KIAA0513: variants seen among roughly 807,000 people sequenced by gnomAD.
KIAA0513 encodes uncharacterized protein KIAA0513.
KIAA0513 carries 39 observed loss-of-function variants against 56.5 expected under a neutral mutation model. The ratio of observed to expected loss-of-function variants is 0.69; its 90% confidence interval spans 0.53 to 0.90. The LOEUF (loss-of-function observed/expected upper bound fraction) is 0.90. Among genes scored for constraint, KIAA0513 ranks in the 40% least tolerant of loss-of-function variants. The pLI is 0.00. For synonymous variants in KIAA0513, 268 were observed against 215.6 expected, an observed-to-expected ratio of 1.24 and a Z score of -2.13; for missense variants, 591 against 535.2, an observed-to-expected ratio of 1.10 and a Z score of -1.03.
chr16:85,071,749 T>C (rs2073577769), intron 2 of KIAA0513, 34 bp from the exon 3 acceptor site: 1 of 1,477,606 alleles, frequency 6.8e-7, no homozygotes, highest in East Asian at 2.3e-5. Flanking sequence ...AGGGTTTTTT[T>C]TTTTTTTCCT....
At chr16:85,031,255 C>T (rs1187010666) in intron 1 of KIAA0513, among the ~76,000 whole-genome samples, 3 of 151,972 alleles carry the variant, frequency 2.0e-5, no homozygotes, top group South Asian at 2.1e-4. Flanking sequence ...CCAGGGTGGG[C>T]GGATCACTTG....
intron 1 of KIAA0513, among the ~76,000 whole-genome samples, chr16:85,034,598 C>T (rs530293429): frequency 1.3e-5 from 2 of 152,096 alleles, no homozygotes; most frequent in Non-Finnish European, 2.9e-5. Flanking sequence ...AGAGGACTCA[C>T]CGGAAGGAAG....
intron 1 of KIAA0513, among the ~76,000 whole-genome samples, chr16:85,037,073 GGA>G (rs2073045586): frequency 6.6e-6 from 1 of 152,132 alleles, no homozygotes; most frequent in Non-Finnish European, 1.5e-5. Context: ...AAGAAGGAAA[GGA>G]GAGAGAAGGG....
chr16:85,078,489 A>C, intron 7 of KIAA0513, 34 bp downstream of exon 7: 1 of 1,604,286 alleles, frequency 6.2e-7, no homozygotes, highest in Non-Finnish European at 8.5e-7. Context: ...GGAGACGCCC[A>C]GCCCACAGCC....
At chr16:85,080,091 C>T (rs973356675) in intron 8 of KIAA0513, among the ~76,000 whole-genome samples, 7 of 152,042 alleles carry the variant, frequency 4.6e-5, no homozygotes, top group East Asian at 1.9e-4. Context: ...GGAGCGCTGC[C>T]GGGACCCAGA....
rs562882165 is a variant in KIAA0513 at position 85,029,715 on chromosome 16, A to G, written c.-173+1857A>G. The stretch of plus-strand genomic sequence containing the variant: ...GAACAGCAGCCTGGGGCAGTTTTTT[A>G]AAAAAAGTCCTGAGAAGTCAACCAG... On this transcript the variant is annotated intron_variant, in intron 1 of 12. Coordinates refer to ENST00000683363, the MANE Select transcript of KIAA0513 (RefSeq NM_001388359.1). Among the ~76,000 whole-genome samples, 380 of 152,312 alleles carry G rather than the reference A, an allele frequency of 2.5e-3. 2 individuals carry two copies. Among genetic ancestry groups the G allele is most frequent in the African/African-American group, 8.6e-3 (358 of 41,566 alleles).
rs979124848 is a variant in KIAA0513, at chr16:85,092,036, G to T, written c.*3711G>T. On this transcript the variant is annotated 3_prime_UTR_variant, in exon 13 of 13. Transcript: ENST00000683363. ...CTACTCACTGCAACCTCCACCTCCC[G>T]GGTTCAAGCAATTCTCCTGCCTCAG... 1 of 151,244 alleles carries T rather than the reference G, an allele frequency of 6.6e-6. No individual in the cohort carries two copies. Among genetic ancestry groups the T allele is most frequent in the Non-Finnish European group, 1.5e-5 (1 of 67,930 alleles). 9.4% of individuals were successfully genotyped at this position (151,244 alleles called of 1,614,324 possible).
At chr16:85,086,244 C>T (rs2073806397) in intron 10 of KIAA0513, among the ~76,000 whole-genome samples, 1 of 152,250 alleles carries the variant, frequency 6.6e-6, no homozygotes. Context: ...GGACGTTGGG[C>T]AGGTCCCCTC....
At chr16:85,085,703 G>T (rs1423425737) in intron 10 of KIAA0513, among the ~76,000 whole-genome samples, 1 of 152,202 alleles carries the variant, frequency 6.6e-6, no homozygotes, top group Non-Finnish European at 1.5e-5. Flanking sequence ...GGGGTGGGGA[G>T]CCCCCTTGTT....
In KIAA0513 at chr16:85,092,892, C is replaced by G. The variant is rs1434471618; in HGVS notation, c.*4567C>G. 1 of 152,212 alleles carries G rather than the reference C, an allele frequency of 6.6e-6. No individual in the cohort carries two copies. The highest frequency in any genetic ancestry group is 2.4e-5 in the African/African-American group (1 of 41,456). The allele number at this position is 152,212 out of a possible 1,614,324, so 9.4% of individuals were successfully genotyped here. A position where few individuals can be genotyped will look rare whatever the true frequency, so the allele number is the denominator to read the frequency against. ...CAGGAATGTGTTGGTGCCTGAGACA[C>G]CAAATGGAAGAAGCACATCAAGACT... is the stretch of plus-strand genomic sequence containing the variant. On this transcript the variant is annotated 3_prime_UTR_variant, in exon 13 of 13. Transcript: ENST00000683363.
In KIAA0513 at chr16:85,087,181, G is replaced by C. The variant is rs1369405568; in HGVS notation, c.1186+15G>C. 6.2e-7 allele frequency: 1 copy of C among 1,609,550 alleles called. No homozygotes were observed. The highest frequency in any genetic ancestry group is 2.2e-5 in the East Asian group (1 of 44,882). Reference sequence around the variant, plus strand: ...CCTGGATGAAGGTGCGTCTGGGGGAGGCTGCTGGCAGGAGGCGGGCAGGGC... The same window carrying C: ...CCTGGATGAAGGTGCGTCTGGGGGACGCTGCTGGCAGGAGGCGGGCAGGGC... On this transcript the variant is annotated intron_variant, in intron 12 of 12. Coordinates refer to ENST00000683363, the MANE Select transcript of KIAA0513 (RefSeq NM_001388359.1).
chr16:85,059,814 G>C (rs1249299367), intron 1 of KIAA0513, among the ~76,000 whole-genome samples: 1 of 152,200 alleles, frequency 6.6e-6, no homozygotes, highest in African/African-American at 2.4e-5. Flanking sequence ...TTTCCCCAAA[G>C]TGTTTCTTCT....
chr16:85,070,182 AAG>A (rs1230651390), intron 2 of KIAA0513, among the ~76,000 whole-genome samples: 10 of 138,026 alleles, frequency 7.2e-5, no homozygotes, highest in South Asian at 5.0e-4. Flanking sequence ...AAAAAAAAAA[AAG>A]AAAAAAGAAA....
intron 1 of KIAA0513, among the ~76,000 whole-genome samples, chr16:85,060,356 T>C (rs2073386533): frequency 6.6e-6 from 1 of 152,128 alleles, no homozygotes; most frequent in African/African-American, 2.4e-5. Context: ...CTAGGTACTT[T>C]AGTCAGCGGT....
intron 1 of KIAA0513, among the ~76,000 whole-genome samples, chr16:85,036,045 G>A (rs568239457): frequency 6.6e-6 from 1 of 151,968 alleles, no homozygotes; most frequent in African/African-American, 2.4e-5. Flanking sequence ...GCACTTCTGG[G>A]CTCAAGCAAT....
At chr16:85,034,850 G>C (rs931340031) in intron 1 of KIAA0513, among the ~76,000 whole-genome samples, 1 of 152,146 alleles carries the variant, frequency 6.6e-6, no homozygotes, top group Non-Finnish European at 1.5e-5. Context: ...CAGTGTGTAG[G>C]GGCAGCGCCA....
Position 85,081,651 on chromosome 16 carries a change from C to T in KIAA0513, c.980+259C>T, listed in dbSNP as rs1461790872. On this transcript the variant is annotated intron_variant, in intron 9 of 12. Transcript: ENST00000683363. This position sits in a 1 kb window ranked among gnomAD's most constrained non-coding sequence, Gnocchi z 4.4. ...CTGACCCTCCTAAAAATGCAAACTC[C>T]CACTAAGACCATCAGGACCCCTGCT... Among the ~76,000 whole-genome samples the T allele has an allele frequency of 2.6e-5, 4 of 152,160 alleles. No individual in the cohort carries two copies. The highest frequency in any genetic ancestry group is 9.7e-5 in the African/African-American group (4 of 41,440).
At position 85,081,827 on chromosome 16, in the gene KIAA0513, C is replaced by T. The variant is rs1201323029; in HGVS notation, c.980+435C>T. Among the ~76,000 whole-genome samples, 10 of 152,208 alleles carry T rather than the reference C, an allele frequency of 6.6e-5. No homozygotes were observed. The highest frequency in any genetic ancestry group is 1.3e-4 in the Non-Finnish European group (9 of 68,028). On this transcript the variant is annotated intron_variant, in intron 9 of 12. Coordinates refer to ENST00000683363, the MANE Select transcript of KIAA0513 (RefSeq NM_001388359.1). This position sits in a 1 kb window ranked among gnomAD's most constrained non-coding sequence, Gnocchi z 4.4. ...AATGCAGTTGCCGCTCGCAACTCAC[C>T]TCTTGGGTCTGCAGCCTGAGCAGAC... is the stretch of plus-strand genomic sequence containing the variant.
At chr16:85,078,837 A>G in intron 7 of KIAA0513, 88 bp from the exon 8 acceptor site, 1 of 1,397,880 alleles carries the variant, frequency 7.2e-7, no homozygotes, top group South Asian at 1.2e-5. Context: ...TCGGGGAGAA[A>G]CTGGCTGCTG....
Sources: gnomAD v4.1 joint callset for allele counts (sites outside exome capture counted in the v4.1 genomes callset) on GRCh38, gnomAD v4.1.1 for gene constraint, Gnocchi (gnomAD v3.1) non-coding constraint, MANE v1.5 for transcripts, NCBI Gene and HGNC (gene_info 2026-07-23, HGNC 2026-07-21) for gene names.